The following ATP13A4 variants were observed in gnomAD, a reference collection of about 807,000 sequenced individuals.
The protein encoded by ATP13A4 is probable cation-transporting ATPase 13A4.
ATP13A4 carries 114 observed loss-of-function variants against 142.5 expected under a neutral mutation model. That is an observed-to-expected ratio of 0.80 (90% confidence interval 0.69 to 0.93). The LOEUF (loss-of-function observed/expected upper bound fraction) is 0.93. Ranked by LOEUF, ATP13A4 falls within the 40% of genes least tolerant of loss-of-function variation. The pLI, the probability that ATP13A4 is intolerant of heterozygous loss-of-function variation, is 0.00. For missense variants in ATP13A4, 1,392 were observed against 1,454.0 expected (o/e 0.96, Z 0.69); for synonymous variants, 488 against 514.8 (o/e 0.95, Z 0.70).
At chr3:193,499,957 A>G (rs1018134752) in intron 3 of ATP13A4, among the ~76,000 whole-genome samples, 7 of 152,218 alleles carry the variant, frequency 4.6e-5, no homozygotes, top group Non-Finnish European at 8.8e-5. Flanking sequence ...CAATTTCTTA[A>G]GCCATTTCTC....
At chr3:193,589,081 A>G (rs1363205738) in intron 1 of ATP13A4, among the ~76,000 whole-genome samples, 1 of 152,196 alleles carries the variant, frequency 6.6e-6, no homozygotes, top group Non-Finnish European at 1.5e-5. Context: ...TGGAGGTTAC[A>G]GTGAGCCGAG....
intron 25 of ATP13A4, among the ~76,000 whole-genome samples, chr3:193,432,694 C>A (rs777486255): frequency 5.3e-5 from 8 of 151,918 alleles, no homozygotes; most frequent in Non-Finnish European, 1.0e-4. Context: ...GCCAAACAAA[C>A]CTGCATGTTG....
chr3:193,512,578 T>C (rs748059291), intron 2 of ATP13A4, among the ~76,000 whole-genome samples: 33 of 152,326 alleles, frequency 2.2e-4, no homozygotes, highest in Non-Finnish European at 4.1e-4. Flanking sequence ...ATCATTAGCA[T>C]CACTTGAGAA....
Position 193,510,108 on chromosome 3 carries a change from G to A in ATP13A4, c.234+4590C>T, listed in dbSNP as rs565131521. Reference sequence around the variant, plus strand: ...AAAGTGGTCCTGGTGTGGGAAACGTGGGCTGTGAGAGACCAAGTTGCAGAG... The same window carrying A: ...AAAGTGGTCCTGGTGTGGGAAACGTAGGCTGTGAGAGACCAAGTTGCAGAG... On this transcript the variant is annotated intron_variant, in intron 2 of 29. Coordinates refer to ENST00000342695, the MANE Select transcript of ATP13A4 (RefSeq NM_032279.4). Among the ~76,000 whole-genome samples the A allele has an allele frequency of 3.3e-5, 5 of 152,216 alleles. No individual in the cohort carries two copies. In the South Asian group the frequency reaches 1.0e-3, roughly 32 times the overall value.
chr3:193,472,130 T>C (rs1453332655), intron 8 of ATP13A4, among the ~76,000 whole-genome samples: 2 of 152,212 alleles, frequency 1.3e-5, no homozygotes, highest in African/African-American at 4.8e-5. Flanking sequence ...ATAAGTACAG[T>C]AGTCTCCTTT....
In ATP13A4 at chr3:193,474,758, A is replaced by G. The variant is rs1718864791; in HGVS notation, c.809-3765T>C. ...AAAGAAAGAAAGAAAGGAAAAAGAAAGAAAGAGAAAGAAAGAAAGAAACAG... is the reference window on the plus strand; with the variant it reads ...AAAGAAAGAAAGAAAGGAAAAAGAAGGAAAGAGAAAGAAAGAAAGAAACAG... On this transcript the variant is annotated intron_variant, in intron 8 of 29. Transcript: ENST00000342695. 2.0e-5 allele frequency among the ~76,000 whole-genome samples: 3 copies of G among 151,836 alleles called. No homozygotes were observed. In the South Asian group the frequency reaches 6.2e-4, roughly 31 times the overall value.
intron 8 of ATP13A4, among the ~76,000 whole-genome samples, chr3:193,476,242 T>C (rs916501623): frequency 1.3e-5 from 2 of 152,116 alleles, no homozygotes; most frequent in Admixed American, 6.5e-5. Flanking sequence ...TTATAAGCAC[T>C]GTATCTGGTA....
intron 1 of ATP13A4, among the ~76,000 whole-genome samples, chr3:193,546,316 T>C (rs1723219681): frequency 2.0e-5 from 3 of 152,164 alleles, no homozygotes; most frequent in Admixed American, 2.0e-4. Flanking sequence ...TACCACTCCC[T>C]AATTCCTGTT....
At position 193,470,841 on chromosome 3, in the gene ATP13A4, G is replaced by C. The variant is rs1483779158; in HGVS notation, c.943+18C>G. On this transcript the variant is annotated intron_variant, in intron 9 of 29. Coordinates refer to ENST00000342695, the MANE Select transcript of ATP13A4 (RefSeq NM_032279.4). ...GGCCAGCCCACAGAGGTTGTCAGCT[G>C]TGGAGATGGAACTGTACCTGTCAGC... The C allele has an allele frequency of 6.2e-7, 1 of 1,613,880 alleles. No homozygotes were observed. Among genetic ancestry groups the C allele is most frequent in the Non-Finnish European group, 8.5e-7 (1 of 1,180,020 alleles).
At chr3:193,503,506 A>C (rs1720675732) in intron 2 of ATP13A4, among the ~76,000 whole-genome samples, 1 of 152,214 alleles carries the variant, frequency 6.6e-6, no homozygotes. Flanking sequence ...GGATTCAAGA[A>C]GTATAACAGA....
At chr3:193,490,140 T>C (rs558155357) in intron 6 of ATP13A4, among the ~76,000 whole-genome samples, 2 of 152,162 alleles carry the variant, frequency 1.3e-5, no homozygotes, top group African/African-American at 4.8e-5. Flanking sequence ...GAGAAATACG[T>C]CCAAAGTCAT....
At chr3:193,431,789 T>C (rs1576953904) in intron 25 of ATP13A4, among the ~76,000 whole-genome samples, 1 of 151,528 alleles carries the variant, frequency 6.6e-6, no homozygotes. Context: ...ATTATATATA[T>C]GAAAACAAGT....
At chr3:193,553,383 A>C (rs1441134236) in intron 1 of ATP13A4, 2 of 152,236 alleles carry the variant, frequency 1.3e-5, no homozygotes, top group Non-Finnish European at 2.9e-5. Context: ...AAAGGGGTTT[A>C]CTGGAAAAGA....
intron 2 of ATP13A4, among the ~76,000 whole-genome samples, chr3:193,566,522 A>C (rs924324178): frequency 6.6e-6 from 1 of 152,200 alleles, no homozygotes; most frequent in African/African-American, 2.4e-5. Context: ...CATGTTAGGC[A>C]TCACAAGAGC....
intron 24 of ATP13A4, among the ~76,000 whole-genome samples, chr3:193,434,786 C>A (rs1156800493): frequency 6.6e-6 from 1 of 151,432 alleles, no homozygotes; most frequent in Non-Finnish European, 1.5e-5. Flanking sequence ...GTTTTTTTCT[C>A]TTTTTATATC....
At chr3:193,579,819 A>C (rs1724495346) in intron 2 of ATP13A4, among the ~76,000 whole-genome samples, 2 of 152,206 alleles carry the variant, frequency 1.3e-5, no homozygotes, top group Non-Finnish European at 2.9e-5. Flanking sequence ...TGATAGAATC[A>C]CTGAATGCAC....
chr3:193,577,152 G>C (rs1400313311), intron 2 of ATP13A4, among the ~76,000 whole-genome samples: 2 of 152,074 alleles, frequency 1.3e-5, no homozygotes, highest in Non-Finnish European at 2.9e-5. Flanking sequence ...TCCACTGGTA[G>C]AGTAACTTCC....
At chr3:193,567,082 C>T (rs758429856) in intron 2 of ATP13A4, among the ~76,000 whole-genome samples, 16 of 152,140 alleles carry the variant, frequency 1.1e-4, no homozygotes, top group Admixed American at 2.0e-4. Flanking sequence ...TTTATCACAG[C>T]ATTGTTCAAA....
intron 3 of ATP13A4, among the ~76,000 whole-genome samples, chr3:193,500,912 T>C (rs1341591561): frequency 1.3e-5 from 2 of 152,190 alleles, no homozygotes; most frequent in Non-Finnish European, 2.9e-5. Context: ...TCATTGTGTG[T>C]TCATAACAGC....
Sources: allele counts gnomAD v4.1 joint callset (sites outside exome capture counted in the v4.1 genomes callset), GRCh38; gene constraint gnomAD v4.1.1; transcripts MANE v1.5; gene names NCBI Gene and HGNC (gene_info 2026-07-23, HGNC 2026-07-21).